Variants in CEP85L observed in about 807,000 individuals in gnomAD.
CEP85L encodes centrosomal protein of 85 kDa-like.
In CEP85L, 60 loss-of-function variants were observed where a neutral mutation model predicts 100.3. The ratio of observed to expected loss-of-function variants is 0.60; its 90% CI spans 0.49 to 0.74. The LOEUF is 0.74. Among genes scored for constraint, CEP85L ranks in the 30% least tolerant of loss-of-function variants. CEP85L has a pLI of 0.00. For synonymous variants in CEP85L, 319 were observed against 322.7 expected (o/e 0.99, Z 0.12); for missense variants, 973 against 936.2 (o/e 1.04, Z -0.51).
intron 1 of CEP85L, among the ~76,000 whole-genome samples, chr6:118,666,097 A>T (rs1776125087): frequency 6.6e-6 from 1 of 152,204 alleles, no homozygotes; most frequent in Admixed American, 6.5e-5. Context: ...GGATATTAAA[A>T]CTGTATCCCC....
chr6:118,576,862 C>T (rs1780267553), intron 2 of CEP85L, among the ~76,000 whole-genome samples: 1 of 150,558 alleles, frequency 6.6e-6, no homozygotes, highest in Non-Finnish European at 1.5e-5. Context: ...GATGCAAATG[C>T]CTGGCTGGAA....
intron 1 of CEP85L, among the ~76,000 whole-genome samples, chr6:118,667,119 C>T (rs548131582): frequency 6.6e-5 from 10 of 152,308 alleles, no homozygotes; most frequent in African/African-American, 2.4e-4. Flanking sequence ...GGTCCAGACT[C>T]AGTCCTGGAG....
chr6:118,656,975 G>C (rs1775816685), upstream of CEP85L: 1 of 152,194 alleles, frequency 6.6e-6, no homozygotes, highest in Non-Finnish European at 1.5e-5. Context: ...CTGGGAACTT[G>C]TCAGATGTGC....
Position 118,565,770 on chromosome 6 carries a change from G to C in CEP85L, c.779C>G (p.Pro260Arg). The change falls in exon 3 of 13, where the codon CCT becomes CGT. Residue 260 changes from proline (P) to arginine (R), a missense_variant. By Grantham distance (103) the Pro-to-Arg change is moderately radical. This residue lies in a region of CEP85L where 890 missense variants were observed against 844.5 expected (regional missense o/e 1.05). Coordinates refer to ENST00000368491, the MANE Select transcript of CEP85L (RefSeq NM_001042475.3). ...GCTTGTCATAATGGGCTTGCTTTCA[G>C]GTAAGGCACTATATGTCATGTCTAC... ...QPVDMTYSAL[P>R]ESKPIMTSSE... 6.2e-7 allele frequency: 1 copy of C among 1,614,146 alleles called. No homozygotes were observed. The highest frequency in any genetic ancestry group is 8.5e-7 in the Non-Finnish European group (1 of 1,180,012).
intron 2 of CEP85L, among the ~76,000 whole-genome samples, chr6:118,621,109 T>C (rs892128665): frequency 2.0e-5 from 3 of 152,124 alleles, no homozygotes; most frequent in Non-Finnish European, 2.9e-5. Context: ...ATATCCCCTA[T>C]GGCCTGAAGC....
chr6:118,579,946 C>A (rs1200132367), intron 2 of CEP85L, among the ~76,000 whole-genome samples: 2 of 152,168 alleles, frequency 1.3e-5, no homozygotes, highest in Non-Finnish European at 2.9e-5. Context: ...ATCATGGCCA[C>A]CCCCACATAT....
At chr6:118,590,682 C>G (rs911183184) in intron 2 of CEP85L, among the ~76,000 whole-genome samples, 2 of 152,126 alleles carry the variant, frequency 1.3e-5, no homozygotes, top group Non-Finnish European at 2.9e-5. Flanking sequence ...CATCTCTGTA[C>G]AGGAGAGCCT....
intron 2 of CEP85L, among the ~76,000 whole-genome samples, chr6:118,629,210 G>A (rs1562322730): frequency 6.6e-6 from 1 of 152,174 alleles, no homozygotes; most frequent in Admixed American, 6.5e-5. Context: ...AGCATCCTCA[G>A]ATTTTGGTAT....
intron 3 of CEP85L, among the ~76,000 whole-genome samples, chr6:118,551,465 C>T (rs965954481): frequency 6.6e-6 from 1 of 151,688 alleles, no homozygotes; most frequent in Non-Finnish European, 1.5e-5. Context: ...TCTGAATTTC[C>T]AACTCCTACA....
intron 3 of CEP85L, chr6:118,548,185 T>C (rs1335581895): frequency 1.3e-5 from 2 of 152,082 alleles, no homozygotes; most frequent in Non-Finnish European, 2.9e-5. Flanking sequence ...TAAAGTTTGG[T>C]TGTGATAAGA....
chr6:118,550,756 G>T (rs953639807), intron 3 of CEP85L, among the ~76,000 whole-genome samples: 2 of 151,778 alleles, frequency 1.3e-5, no homozygotes, highest in African/African-American at 4.8e-5. Context: ...CCCAAATACT[G>T]TAAATGATAT....
intron 5 of CEP85L, among the ~76,000 whole-genome samples, chr6:118,504,161 GC>G (rs1562207213): frequency 6.6e-6 from 1 of 152,114 alleles, no homozygotes; most frequent in Non-Finnish European, 1.5e-5. Context: ...ATCACTTGAG[GC>G]CAGTAGTTCG....
chr6:118,680,303 T>G (rs996443078), intron 1 of CEP85L, among the ~76,000 whole-genome samples: 3 of 84,358 alleles, frequency 3.6e-5, no homozygotes, highest in Non-Finnish European at 7.8e-5. Context: ...TTCCTTGGTG[T>G]TGCTTTTTTT....
At chr6:118,593,342 A>T (rs912928210) in intron 2 of CEP85L, among the ~76,000 whole-genome samples, 1 of 151,906 alleles carries the variant, frequency 6.6e-6, no homozygotes, top group African/African-American at 2.4e-5. Context: ...GTACTGCTAT[A>T]AATACCTGAA....
chr6:118,563,726 C>T (rs1346850153), intron 3 of CEP85L, among the ~76,000 whole-genome samples: 2 of 152,200 alleles, frequency 1.3e-5, no homozygotes, highest in Non-Finnish European at 2.9e-5. Context: ...GCTGGGATTA[C>T]AGGCGTGCGC....
chr6:118,631,565 T>C (rs1774155517), intron 2 of CEP85L, among the ~76,000 whole-genome samples: 2 of 152,150 alleles, frequency 1.3e-5, no homozygotes, highest in South Asian at 2.1e-4. Context: ...ACTGAAAACA[T>C]CCCAAATGTT....
intron 3 of CEP85L, chr6:118,559,403 C>T: frequency 2.8e-6 from 1 of 356,504 alleles, no homozygotes; most frequent in Non-Finnish European, 5.6e-6. Flanking sequence ...TAAAACTGCA[C>T]TGCCAACAAG....
chr6:118,567,241 GTGTGTGTGTATATATATA>G (rs1194835764), intron 2 of CEP85L, among the ~76,000 whole-genome samples: 202 of 38,108 alleles, frequency 5.3e-3, no homozygotes, highest in Middle Eastern at 0.026. Context: ...GTGTGTGTGT[GTGTGTGTGTATATATATA>G]TATATATATA....
intron 10 of CEP85L, among the ~76,000 whole-genome samples, chr6:118,473,091 T>C (rs1002730848): frequency 6.6e-6 from 1 of 152,162 alleles, no homozygotes; most frequent in Non-Finnish European, 1.5e-5. Flanking sequence ...CACATAAACA[T>C]GCATACCATA....
Sources: gnomAD v4.1 joint callset for allele counts (sites outside exome capture counted in the v4.1 genomes callset) on GRCh38, gnomAD v4.1.1 for gene constraint, gnomAD v4.1.1 regional missense constraint, MANE v1.5 for transcripts, NCBI Gene and HGNC (gene_info 2026-07-23, HGNC 2026-07-21) for gene names.